The following DPH5 variants were observed in gnomAD, a reference collection of about 807,000 sequenced individuals.
The protein encoded by DPH5 is diphthamide biosynthesis 5, also known as diphthine methyl ester synthase.
Under a neutral mutation model 31.6 loss-of-function variants are expected in DPH5, and 31 were observed. The observed-to-expected ratio is 0.98, with a 90% CI of 0.74 to 1.32. The LOEUF (loss-of-function observed/expected upper bound fraction) is 1.32, where lower values mean the gene tolerates loss of function less well. Among genes scored for constraint, DPH5 ranks in the 40% most tolerant of loss-of-function variants. The probability of loss-of-function intolerance (pLI) is 0.00; values close to 1 mark genes in which losing one functional copy is unlikely to be tolerated. For missense variants in DPH5, 309 were observed against 335.7 expected, an observed-to-expected ratio of 0.92 and a Z score of 0.62; for synonymous variants, 120 against 115.0, an observed-to-expected ratio of 1.04 and a Z score of -0.28.
At chr1:101,000,607 C>T (rs964015976) in intron 5 of DPH5, among the ~76,000 whole-genome samples, 2 of 152,168 alleles carry the variant, frequency 1.3e-5, no homozygotes, top group Admixed American at 6.5e-5. Context: ...TAAGTAGTAG[C>T]ACTGGGATTT....
rs371122812 is a variant in DPH5, at chr1:101,014,695, A to G, written c.261-877T>C. Among the ~76,000 whole-genome samples, 17 of 151,892 alleles carry G rather than the reference A, an allele frequency of 1.1e-4. No individual in the cohort carries two copies. In the South Asian group the frequency reaches 3.5e-3, roughly 32 times the overall value. On this transcript the variant is annotated intron_variant, in intron 3 of 7. Transcript: ENST00000370109. The stretch of plus-strand genomic sequence containing the variant: ...CATGAAAGATTTCTCTGTAGCATGC[A>G]ACATTGTGTGATACCATTTTACCCA...
intron 3 of DPH5, among the ~76,000 whole-genome samples, chr1:101,016,034 G>A (rs1354566658): frequency 6.6e-6 from 1 of 152,068 alleles, no homozygotes; most frequent in Non-Finnish European, 1.5e-5. Flanking sequence ...TAGAGCATTC[G>A]TAAGAGTAGC....
intron 5 of DPH5, chr1:100,996,306 G>C (rs1448566063): frequency 1.3e-5 from 2 of 152,156 alleles, no homozygotes; most frequent in Non-Finnish European, 2.9e-5. Flanking sequence ...GAAATGTTGT[G>C]ATGAGATTTT....
At chr1:101,011,090 GC>G (rs1659597515) in intron 4 of DPH5, among the ~76,000 whole-genome samples, 1 of 152,128 alleles carries the variant, frequency 6.6e-6, no homozygotes, top group African/African-American at 2.4e-5. Context: ...TTCCATAAGC[GC>G]TAGTCCAAAA....
chr1:100,997,814 C>T (rs1349899052), intron 5 of DPH5, among the ~76,000 whole-genome samples: 1 of 152,182 alleles, frequency 6.6e-6, no homozygotes, highest in Non-Finnish European at 1.5e-5. Flanking sequence ...CATTTTTCAT[C>T]CCTCAGATAC....
chr1:101,013,851 C>A, intron 3 of DPH5, 33 bp from the exon 4 acceptor site: 1 of 1,519,990 alleles, frequency 6.6e-7, no homozygotes, highest in Non-Finnish European at 9.0e-7. Context: ...TGGATTAAAG[C>A]AAACAACACT....
chr1:101,001,702 G>C, intron 4 of DPH5, 115 bp from the exon 5 acceptor site: 1 of 834,526 alleles, frequency 1.2e-6, no homozygotes, highest in Non-Finnish European at 1.8e-6. Flanking sequence ...CTCGAAATGG[G>C]TTGGGGATCA....
rs1558047113 is a variant in DPH5, at chr1:101,013,800, A to G, written c.279T>C (p.Asp93=). ...GDPFGATTHS[D]LVLRATKLGI... The stretch of plus-strand genomic sequence containing the variant: ...CCAGCTTTGTTGCTCTTAGAACAAG[A>G]TCACTGTGTGTTGTGGCCCTGTAGT... The change falls in exon 4 of 8, where the codon GAT becomes GAC. Residue 93 remains aspartate (D), a synonymous_variant. Transcript: ENST00000370109. 6.2e-7 allele frequency: 1 copy of G among 1,612,842 alleles called. No individual in the cohort carries two copies. Among genetic ancestry groups the G allele is most frequent in the Admixed American group, 1.7e-5 (1 of 59,850 alleles).
At chr1:101,018,049 TATCTAAA>T (rs1660195808) in intron 3 of DPH5, among the ~76,000 whole-genome samples, 1 of 152,220 alleles carries the variant, frequency 6.6e-6, no homozygotes, top group Non-Finnish European at 1.5e-5. Flanking sequence ...TATATGGCTC[TATCTAAA>T]ATCATATATG....
Position 101,025,665 on chromosome 1 carries a change from C to A in DPH5, c.-24+18G>T, listed in dbSNP as rs201869101. On this transcript the variant is annotated intron_variant, in intron 1 of 7. Coordinates refer to ENST00000370109, the MANE Select transcript of DPH5 (RefSeq NM_015958.3). ...CAGTTTTGCCTCTTGTTACACAAAC[C>A]TAGGAGCAGCCAATTACCCGCTGAG... 1.8e-6 allele frequency: 1 copy of A among 556,392 alleles called. No individual in the cohort carries two copies. The highest frequency in any genetic ancestry group is 2.2e-5 in the South Asian group (1 of 46,354). 34.5% of individuals were successfully genotyped at this position (556,392 alleles called of 1,614,324 possible). A position where few individuals can be genotyped will look rare whatever the true frequency, so the allele number is the denominator to read the frequency against.
In DPH5 at chr1:100,993,840, C is replaced by T. The variant is rs186980522; in HGVS notation, c.531-1100G>A. 6.2e-3 allele frequency among the ~76,000 whole-genome samples: 946 copies of T among 151,574 alleles called. 16 individuals carry two copies. Among genetic ancestry groups the T allele is most frequent in the African/African-American group, 0.02 (821 of 41,334 alleles). The stretch of plus-strand genomic sequence containing the variant: ...CACTGCAACCTCTGCCTCCTGGGTT[C>T]AAGCAATTCTCTGCCTCAGCCTCCC... On this transcript the variant is annotated intron_variant, in intron 6 of 7. Transcript: ENST00000370109.
intron 2 of DPH5, 58 bp from the exon 3 acceptor site, chr1:101,021,823 C>CACACAT (rs774297839): frequency 7.2e-6 from 4 of 554,950 alleles, no homozygotes; most frequent in Middle Eastern, 4.7e-4. Context: ...TTCTAACACA[C>CACACAT]ACACACACAC....
At chr1:101,002,250 A>G (rs933723792) in intron 4 of DPH5, among the ~76,000 whole-genome samples, 3 of 152,164 alleles carry the variant, frequency 2.0e-5, no homozygotes, top group African/African-American at 7.2e-5. Context: ...CACCATCACT[A>G]CAACCAAGAA....
intron 5 of DPH5, chr1:100,996,164 G>A (rs1232349183): frequency 1.3e-5 from 2 of 151,988 alleles, no homozygotes; most frequent in East Asian, 1.9e-4. Flanking sequence ...AGAAAAAAAC[G>A]AATGCCTGTT....
intron 5 of DPH5, among the ~76,000 whole-genome samples, chr1:100,997,096 ACTCAAG>A (rs1383594457): frequency 2.0e-5 from 3 of 152,088 alleles, no homozygotes; most frequent in Admixed American, 2.0e-4. Flanking sequence ...TAGAAGGACA[ACTCAAG>A]AGCCACATTT....
Position 100,990,547 on chromosome 1 carries a change from A to C in DPH5, c.719T>G (p.Met240Arg), listed in dbSNP as rs764025051. The change falls in exon 8 of 8, where the codon ATG (methionine) becomes AGG (arginine). Residue 240 changes from methionine to arginine, a missense_variant. Physicochemically the swap from Met to Arg is moderately conservative, Grantham distance 91 (BLOSUM62 -1). Transcript: ENST00000370109. ...TGGTTCTCCCAAGTCCACAGTGCACATTTGCCTTAAAGTGCCTGCTGCAAT... is the reference window on the plus strand; with the variant it reads ...TGGTTCTCCCAAGTCCACAGTGCACCTTTGCCTTAAAGTGCCTGCTGCAAT... The part of the protein sequence containing the change: ...QKIAAGTLRQ[M>R]CTVDLGEPLH... 6.2e-7 allele frequency: 1 copy of C among 1,613,868 alleles called. No homozygotes were observed. The highest frequency in any genetic ancestry group is 8.5e-7 in the Non-Finnish European group (1 of 1,179,988).
rs776277551 is a variant in DPH5 at position 100,990,588 on chromosome 1, T to C, written c.678A>G (p.Gly226=). The change falls in exon 8 of 8, where the codon GGA becomes GGG. Residue 226 remains glycine, a synonymous_variant. Coordinates refer to ENST00000370109, the MANE Select transcript of DPH5 (RefSeq NM_015958.3). ...ETLCVGLARV[G]ADDQKIAAGT... Reference sequence around the variant, plus strand: ...CTGCTGCAATTTTCTGGTCGTCGGCTCCAACCCTGGCTAAGCCAACACAAA... The same window carrying C: ...CTGCTGCAATTTTCTGGTCGTCGGCCCCAACCCTGGCTAAGCCAACACAAA... 1.2e-6 allele frequency: 2 copies of C among 1,614,090 alleles called. No individual in the cohort carries two copies. Among genetic ancestry groups the C allele is most frequent in the Non-Finnish European group, 1.7e-6 (2 of 1,180,002 alleles).
intron 6 of DPH5, among the ~76,000 whole-genome samples, chr1:100,993,058 T>C (rs972469190): frequency 2.0e-5 from 3 of 152,212 alleles, no homozygotes; most frequent in Non-Finnish European, 4.4e-5. Context: ...AGTGGCAATT[T>C]GGTCTATACT....
intron 3 of DPH5, among the ~76,000 whole-genome samples, chr1:101,018,679 C>T (rs1660253184): frequency 6.6e-6 from 1 of 152,192 alleles, no homozygotes; most frequent in African/African-American, 2.4e-5. Context: ...TTGGCACTAT[C>T]CTTTTGAAAA....
Sources: allele counts gnomAD v4.1 joint callset (sites outside exome capture counted in the v4.1 genomes callset), GRCh38; gene constraint gnomAD v4.1.1; transcripts MANE v1.5; gene names NCBI Gene and HGNC (gene_info 2026-07-23, HGNC 2026-07-21).